ZZEF1: variants seen among roughly 807,000 people sequenced by gnomAD.
ZZEF1 encodes the protein zinc finger ZZ-type and EF-hand domain-containing protein 1.
Under a neutral mutation model 342.8 loss-of-function variants are expected in ZZEF1, and 157 were observed. The ratio of observed to expected loss-of-function variants is 0.46; its 90% CI spans 0.40 to 0.52. ZZEF1 has a LOEUF of 0.52. ZZEF1 is among the 20% of genes least tolerant of loss of function. The pLI is 0.00. For missense variants in ZZEF1, 3,480 were observed against 3,725.6 expected, an observed-to-expected ratio of 0.93 and a Z score of 1.72; for synonymous variants, 1,505 against 1,429.1, an observed-to-expected ratio of 1.05 and a Z score of -1.20.
intron 36 of ZZEF1, among the ~76,000 whole-genome samples, chr17:4,050,418 A>C (rs2057020213): frequency 6.6e-6 from 1 of 152,238 alleles, no homozygotes; most frequent in South Asian, 2.1e-4. Context: ...GCTCTCATCT[A>C]GAATACACTT....
intron 37 of ZZEF1, among the ~76,000 whole-genome samples, chr17:4,046,324 A>G (rs1237120072): frequency 6.6e-6 from 1 of 152,094 alleles, no homozygotes; most frequent in Non-Finnish European, 1.5e-5. Context: ...GAATCCCCCC[A>G]GTGACTGTTT....
intron 32 of ZZEF1, 80 bp from the exon 33 acceptor site, chr17:4,056,425 A>G (rs897182391): frequency 7.0e-7 from 1 of 1,418,848 alleles, no homozygotes; most frequent in African/African-American, 1.4e-5. Context: ...CCCTGTGTCT[A>G]TAGGTCTATT....
In ZZEF1 at chr17:4,017,933, C is replaced by A. The variant is rs139593441; in HGVS notation, c.7544G>T (p.Arg2515Leu). The A allele has an allele frequency of 3.1e-6, 5 of 1,614,032 alleles. No individual in the cohort carries two copies. Among genetic ancestry groups the A allele is most frequent in the Admixed American group, 3.3e-5 (2 of 60,028 alleles). ...GGGCTGCCACCGCTGAGCCAGGGAC[C>A]GTATCCTTTCATCTGTGGTGAGCTC... ...GDELTTDERIRSLAQRWQPSK... is the reference protein window; with the variant it reads ...GDELTTDERILSLAQRWQPSK... Residue 2515 changes from arginine to leucine, a missense_variant, in exon 47 of 55, where the codon CGG (arginine) becomes CTG (leucine). This residue lies in a region of ZZEF1 where 1,269 missense variants were observed against 1,342.4 expected (regional missense o/e 0.95). Transcript: ENST00000381638. This position sits in a 1 kb window ranked among gnomAD's most constrained non-coding sequence, Gnocchi z 5.1.
rs200194919 is a variant in ZZEF1, at chr17:4,064,414, A to G, written c.4665T>C (p.Pro1555=). The part of the protein sequence containing the change: ...RLVPTVKEKY[P]VLKDVMDFIK... ...TGAAGTCCATGACGTCCTTCAGCAC[A>G]GGGTATTTCTCTTTCACTGTGGGCA... Residue 1555 remains proline (P), a synonymous_variant, in exon 29 of 55, where the codon CCT becomes CCC. Transcript: ENST00000381638. 3 of 1,612,026 alleles carry G rather than the reference A, an allele frequency of 1.9e-6. No individual in the cohort carries two copies. Among genetic ancestry groups the G allele is most frequent in the South Asian group, 1.1e-5 (1 of 91,050 alleles).
chr17:4,042,358 A>G lies in ZZEF1; in HGVS notation c.6306+71T>C, dbSNP rs559505605. The G allele has an allele frequency of 6.8e-5, 101 of 1,475,512 alleles. 1 individual carries two copies. In the South Asian group the frequency reaches 1.2e-3, roughly 17 times the overall value. 91.4% of individuals were successfully genotyped at this position (1,475,512 alleles called of 1,614,324 possible). A position where few individuals can be genotyped will look rare whatever the true frequency, so the allele number is the denominator to read the frequency against. On this transcript the variant is annotated intron_variant, in intron 39 of 54. Transcript: ENST00000381638. ...AGAGATGATTGTCATCATTTGTTTC[A>G]GTATGTGGCTTTCCAAAACCTTCTT... is the stretch of plus-strand genomic sequence containing the variant.
At chr17:4,092,113 T>TA (rs1226428516) in intron 11 of ZZEF1, among the ~76,000 whole-genome samples, 2 of 148,324 alleles carry the variant, frequency 1.3e-5, no homozygotes, top group Non-Finnish European at 3.0e-5. Flanking sequence ...TATAAATAAA[T>TA]AAGAAGGAGA....
chr17:4,061,673 C>CA lies in ZZEF1; in HGVS notation c.4883+1079dup, dbSNP rs1319108636. Among the ~76,000 whole-genome samples the CA allele has an allele frequency of 5.3e-5, 8 of 152,274 alleles. No homozygotes were observed. In the East Asian group the frequency reaches 1.4e-3, roughly 26 times the overall value. ...TCCCTCACTAAAACGCATCACTATCCACCAGCTGTTCACTCCCAAATCCTA... is the reference window on the plus strand; with the variant it reads ...TCCCTCACTAAAACGCATCACTATCCAACCAGCTGTTCACTCCCAAATCCTA... On this transcript the variant is annotated intron_variant, in intron 30 of 54. Coordinates refer to ENST00000381638, the MANE Select transcript of ZZEF1 (RefSeq NM_015113.4).
chr17:4,006,640 G>T lies in ZZEF1; in HGVS notation c.*250C>A. ...AAGGCTGGTCTCTGAACCTTCTTAA[G>T]GGCCCCCTGCCCACCCTTTCTGAGG... On this transcript the variant is annotated 3_prime_UTR_variant, in exon 55 of 55. Coordinates refer to ENST00000381638, the MANE Select transcript of ZZEF1 (RefSeq NM_015113.4). 3.7e-6 allele frequency: 2 copies of T among 534,846 alleles called. No individual in the cohort carries two copies. The highest frequency in any genetic ancestry group is 3.4e-5 in the East Asian group (1 of 29,200). The allele number at this position is 534,846 out of a possible 1,614,324, so 33.1% of individuals were successfully genotyped here.
intron 52 of ZZEF1, among the ~76,000 whole-genome samples, chr17:4,011,390 C>T (rs2055950607): frequency 6.7e-6 from 1 of 150,330 alleles, no homozygotes; most frequent in South Asian, 2.1e-4. Flanking sequence ...GGCGAAAGAG[C>T]CAGACCATGT....
intron 1 of ZZEF1, among the ~76,000 whole-genome samples, chr17:4,125,876 A>C (rs2058564837): frequency 6.6e-6 from 1 of 152,122 alleles, no homozygotes; most frequent in South Asian, 2.1e-4. Flanking sequence ...CATTGGATAG[A>C]AGACAGAGGG....
intron 52 of ZZEF1, among the ~76,000 whole-genome samples, chr17:4,011,139 T>C (rs1029029075): frequency 6.6e-6 from 1 of 151,110 alleles, no homozygotes; most frequent in African/African-American, 2.4e-5. Flanking sequence ...CGGTGGCTCA[T>C]ACCTACAATC....
At chr17:4,133,823 G>A (rs993369114) in intron 1 of ZZEF1, among the ~76,000 whole-genome samples, 1 of 151,802 alleles carries the variant, frequency 6.6e-6, no homozygotes, top group South Asian at 2.1e-4. Flanking sequence ...CTAGGTTCAA[G>A]CGGTCCTCCC....
At chr17:4,142,427 A>G in intron 1 of ZZEF1, 115 bp downstream of exon 1, 1 of 1,118,390 alleles carries the variant, frequency 8.9e-7, no homozygotes, top group Non-Finnish European at 1.2e-6. Context: ...GAAAAGCTGG[A>G]AACACCTCAT....
In ZZEF1 at chr17:4,110,549, T is replaced by G. The variant is rs74463499; in HGVS notation, c.1067-686A>C. ...CAGGAAAGCATTAGAAGAAATGAGATAAAACATGAAGCATTCCGGCTCCCT... is the reference window on the plus strand; with the variant it reads ...CAGGAAAGCATTAGAAGAAATGAGAGAAAACATGAAGCATTCCGGCTCCCT... On this transcript the variant is annotated intron_variant, in intron 5 of 54. Coordinates refer to ENST00000381638, the MANE Select transcript of ZZEF1 (RefSeq NM_015113.4). Among the ~76,000 whole-genome samples the G allele has an allele frequency of 4.8e-3, 730 of 152,134 alleles. 24 individuals carry two copies. In the East Asian group the frequency reaches 0.069, roughly 14 times the overall value.
chr17:4,027,286 CTTTTTTTTTTTT>C (rs1179743466), intron 42 of ZZEF1, among the ~76,000 whole-genome samples: 3 of 67,982 alleles, frequency 4.4e-5, no homozygotes, highest in Admixed American at 2.3e-4. Context: ...CAATATCTCA[CTTTTTTTTTTTT>C]TTTTTTTTTT....
chr17:4,119,571 T>C (rs780125509), intron 2 of ZZEF1, among the ~76,000 whole-genome samples: 1 of 152,304 alleles, frequency 6.6e-6, no homozygotes, highest in East Asian at 1.9e-4. Flanking sequence ...ATTTTAAAAG[T>C]AGACACCTGC....
intron 1 of ZZEF1, among the ~76,000 whole-genome samples, chr17:4,138,255 G>A (rs1353931408): frequency 6.6e-6 from 1 of 152,172 alleles, no homozygotes; most frequent in East Asian, 1.9e-4. Flanking sequence ...AGTCTTAAAA[G>A]GGCAGATAAT....
At chr17:4,076,607 C>G in intron 21 of ZZEF1, 30 bp downstream of exon 21, 1 of 1,592,462 alleles carries the variant, frequency 6.3e-7, no homozygotes, top group Non-Finnish European at 8.6e-7. Flanking sequence ...AGAGAGAACA[C>G]GGGGCGGCTC....
At chr17:4,131,931 G>A (rs1016533265) in intron 1 of ZZEF1, among the ~76,000 whole-genome samples, 2 of 152,110 alleles carry the variant, frequency 1.3e-5, no homozygotes, top group Non-Finnish European at 2.9e-5. Context: ...GGGCAACGAT[G>A]GGAAGGTAAA....
Sources: gnomAD v4.1 joint callset for allele counts (sites outside exome capture counted in the v4.1 genomes callset) on GRCh38, gnomAD v4.1.1 for gene constraint, gnomAD v4.1.1 regional missense constraint, Gnocchi (gnomAD v3.1) non-coding constraint, MANE v1.5 for transcripts, NCBI Gene and HGNC (gene_info 2026-07-23, HGNC 2026-07-21) for gene names.